EVA1A: variants seen among roughly 807,000 people sequenced by gnomAD.
The protein encoded by EVA1A is protein eva-1 homolog A.
In EVA1A, 7 loss-of-function variants were observed where a neutral mutation model predicts 9.8. The observed-to-expected ratio is 0.71, with a 90% CI of 0.41 to 1.34. EVA1A has a LOEUF of 1.34. EVA1A is among the 40% of genes most tolerant of loss of function. The pLI is 0.01. For missense variants in EVA1A, 206 were observed against 205.9 expected, an observed-to-expected ratio of 1.00 and a Z score of 0.00; for synonymous variants, 90 against 85.6, an observed-to-expected ratio of 1.05 and a Z score of -0.28.
At chr2:75,500,536 G>A (rs752102884) in intron 3 of EVA1A, among the ~76,000 whole-genome samples, 10 of 152,034 alleles carry the variant, frequency 6.6e-5, no homozygotes, top group Admixed American at 1.3e-4. Context: ...CAAATTGAGG[G>A]GAAAGGAGGA....
intron 1 of EVA1A, among the ~76,000 whole-genome samples, chr2:75,538,975 C>T (rs894728223): frequency 2.6e-5 from 4 of 152,142 alleles, no homozygotes; most frequent in Admixed American, 6.5e-5. Context: ...CAGTTTTGCA[C>T]GATGTCATCA....
chr2:75,520,542 CAT>C (rs958628078), intron 2 of EVA1A, among the ~76,000 whole-genome samples: 1 of 152,188 alleles, frequency 6.6e-6, no homozygotes, highest in South Asian at 2.1e-4. Flanking sequence ...TAAACCCTTA[CAT>C]ATATATATGT....
At chr2:75,498,611 T>A (rs1007122929) in intron 3 of EVA1A, among the ~76,000 whole-genome samples, 2 of 152,210 alleles carry the variant, frequency 1.3e-5, no homozygotes, top group Non-Finnish European at 2.9e-5. Flanking sequence ...TTAATTTTTT[T>A]AAATCTAGCA....
chr2:75,529,462 C>T (rs1675568215), intron 1 of EVA1A, among the ~76,000 whole-genome samples: 1 of 152,156 alleles, frequency 6.6e-6, no homozygotes, highest in South Asian at 2.1e-4. Flanking sequence ...TTCATCAGCA[C>T]ACAGAACATT....
At chr2:75,566,474 T>C (rs542124636) in intron 1 of EVA1A, among the ~76,000 whole-genome samples, 2 of 152,344 alleles carry the variant, frequency 1.3e-5, no homozygotes, top group East Asian at 3.9e-4. Context: ...CTCTAGGGAA[T>C]ATAAGCCACA....
chr2:75,538,090 G>A (rs1675981162), intron 1 of EVA1A, among the ~76,000 whole-genome samples: 1 of 152,152 alleles, frequency 6.6e-6, no homozygotes, highest in South Asian at 2.1e-4. Context: ...AGGAGTTCAA[G>A]ACCAGCCTGA....
chr2:75,568,601 C>T (rs72816750), intron 1 of EVA1A, among the ~76,000 whole-genome samples: 23,598 of 151,902 alleles, frequency 0.16, 1,921 homozygotes, highest in Non-Finnish European at 0.19. Flanking sequence ...GTCTTTTCTC[C>T]CTCACCTCCC....
intron 3 of EVA1A, among the ~76,000 whole-genome samples, chr2:75,512,734 T>C (rs1674858529): frequency 6.6e-6 from 1 of 152,170 alleles, no homozygotes; most frequent in East Asian, 1.9e-4. Flanking sequence ...CTCAGAACTA[T>C]TGATGTCTTG....
intron 1 of EVA1A, among the ~76,000 whole-genome samples, chr2:75,567,829 CA>C (rs1310859032): frequency 3.9e-5 from 6 of 152,188 alleles, no homozygotes; most frequent in Non-Finnish European, 8.8e-5. Flanking sequence ...TGTCTGAACA[CA>C]TCTGATGGAG....
intron 1 of EVA1A, among the ~76,000 whole-genome samples, chr2:75,538,525 T>C (rs192913279): frequency 2.8e-4 from 42 of 152,350 alleles, no homozygotes; most frequent in Non-Finnish European, 5.3e-4. Context: ...TGCAACTTTT[T>C]GGGACTGGGT....
At chr2:75,525,391 C>A (rs145604465) in intron 1 of EVA1A, among the ~76,000 whole-genome samples, 108 of 152,312 alleles carry the variant, frequency 7.1e-4, no homozygotes, top group African/African-American at 2.4e-3. Flanking sequence ...CTTTCCATTT[C>A]TTCCATCAGT....
intron 1 of EVA1A, among the ~76,000 whole-genome samples, chr2:75,523,005 A>C (rs6712138): frequency 0.095 from 14,400 of 152,238 alleles, 2,002 homozygotes; most frequent in African/African-American, 0.3. Context: ...GGCCTCTGCT[A>C]GGCCCAGGTA....
At chr2:75,512,218 A>G (rs1674844128) in intron 3 of EVA1A, among the ~76,000 whole-genome samples, 1 of 152,222 alleles carries the variant, frequency 6.6e-6, no homozygotes, top group African/African-American at 2.4e-5. Context: ...GTTATTAATG[A>G]GGTCAGTATT....
chr2:75,503,080 C>T lies in EVA1A; in HGVS notation c.86-9471G>A, dbSNP rs370056541. Among the ~76,000 whole-genome samples the T allele has an allele frequency of 6.6e-5, 10 of 152,288 alleles. No homozygotes were observed. In the South Asian group the frequency reaches 8.3e-4, roughly 13 times the overall value. On this transcript the variant is annotated intron_variant, in intron 3 of 3. Coordinates refer to ENST00000393913, the MANE Select transcript of EVA1A (RefSeq NM_001135032.2). ...AACATCCCCTTTTGTCTCTAGCATCCGGATGTGGATTCCTGGACAAGCCCA... is the reference window on the plus strand; with the variant it reads ...AACATCCCCTTTTGTCTCTAGCATCTGGATGTGGATTCCTGGACAAGCCCA...
At chr2:75,563,463 T>G (rs1311682864), upstream of EVA1A, among the ~76,000 whole-genome samples, 2 of 152,212 alleles carry the variant, frequency 1.3e-5, no homozygotes, top group Non-Finnish European at 2.9e-5. Flanking sequence ...AGCTACTAAC[T>G]TCATGCTTGC....
chr2:75,507,775 C>T (rs1572952075), intron 3 of EVA1A, among the ~76,000 whole-genome samples: 1 of 152,136 alleles, frequency 6.6e-6, no homozygotes, highest in African/African-American at 2.4e-5. Flanking sequence ...TGCCTCATCC[C>T]TCCCTCCTGA....
rs150330239 is a variant in EVA1A at position 75,503,810 on chromosome 2, C to T, written c.86-10201G>A. On this transcript the variant is annotated intron_variant, in intron 3 of 3. Coordinates refer to ENST00000393913, the MANE Select transcript of EVA1A (RefSeq NM_001135032.2). ...GGAGGATGAAGAGAAGCGGGATACA[C>T]GGTACAAATATACAGTTAGATAGAA... Among the ~76,000 whole-genome samples, 484 of 152,096 alleles carry T rather than the reference C, an allele frequency of 3.2e-3. 3 individuals are homozygous for T. Among genetic ancestry groups the T allele is most frequent in the African/African-American group, 0.01 (431 of 41,478 alleles).
In EVA1A at chr2:75,551,488, C is replaced by A. The variant is rs192436151; in HGVS notation, c.-192+9192G>T. On this transcript the variant is annotated intron_variant, in intron 1 of 3. Transcript: ENST00000393913. ...TCCGCATCCCAGTCTCCCATTTCCT[C>A]CTGCCTTTCTGCACATCCCCTTCCC... 3.3e-5 allele frequency among the ~76,000 whole-genome samples: 5 copies of A among 152,348 alleles called. No homozygotes were observed. In the East Asian group the frequency reaches 9.6e-4, roughly 29 times the overall value.
Position 75,549,716 on chromosome 2 carries a change from C to T in EVA1A, c.-192+10964G>A, listed in dbSNP as rs79275136. The stretch of plus-strand genomic sequence containing the variant: ...AGATCAAACAAATAATTCAGCTGAG[C>T]TGCTGCTTTGTGTGGGGAAAGAAAA... On this transcript the variant is annotated intron_variant, in intron 1 of 3. Transcript: ENST00000393913. Among the ~76,000 whole-genome samples, 674 of 152,298 alleles carry T rather than the reference C, an allele frequency of 4.4e-3. 8 individuals carry two copies. The highest frequency in any genetic ancestry group is 0.015 in the African/African-American group (643 of 41,566).
Sources: allele counts gnomAD v4.1 joint callset (sites outside exome capture counted in the v4.1 genomes callset), GRCh38; gene constraint gnomAD v4.1.1; transcripts MANE v1.5; gene names NCBI Gene and HGNC (gene_info 2026-07-23, HGNC 2026-07-21).